The following ADAMTS8 variants were observed in gnomAD, a reference collection of about 807,000 sequenced individuals.
The protein encoded by ADAMTS8 is A disintegrin and metalloproteinase with thrombospondin motifs 8.
A neutral mutation model predicts 64.4 loss-of-function variants in ADAMTS8; 50 were observed. That is an observed-to-expected ratio of 0.78 (90% CI 0.62 to 0.98). The LOEUF is 0.98. Ranked by LOEUF, ADAMTS8 falls within the 50% of genes least tolerant of loss-of-function variation. The pLI, the probability that ADAMTS8 is intolerant of heterozygous loss-of-function variation, is 0.00. For synonymous variants in ADAMTS8, 556 were observed against 533.6 expected (o/e 1.04, Z -0.58); for missense variants, 1,192 against 1,208.2 (o/e 0.99, Z 0.20).
intron 8 of ADAMTS8, 63 bp from the exon 9 acceptor site, chr11:130,406,191 C>T: frequency 6.5e-7 from 1 of 1,534,126 alleles, no homozygotes; most frequent in Non-Finnish European, 8.8e-7. Flanking sequence ...CACGATGATG[C>T]CTTGGAGACT....
Position 130,427,577 on chromosome 11 carries a change from GC to G in ADAMTS8, c.709del (p.Ala237ProfsTer8). The G allele has an allele frequency of 6.5e-7, 1 of 1,538,520 alleles. No homozygotes were observed. Among genetic ancestry groups the G allele is most frequent in the East Asian group, 2.5e-5 (1 of 40,802 alleles). On this transcript the variant is annotated frameshift_variant, in exon 1 of 9. Transcript: ENST00000257359. LOFTEE classifies it high-confidence loss of function. ...ADASMAAFYG[A>X]DLQNHILTLM... ...GGCTCTCAGTCCTACCTGCAGGTCG[GC>G]CCCGTAGAAGGCAGCCATGGACGCA...
chr11:130,412,506 G>A (rs1414283451), intron 5 of ADAMTS8, among the ~76,000 whole-genome samples: 1 of 152,100 alleles, frequency 6.6e-6, no homozygotes, highest in Admixed American at 6.5e-5. Context: ...GAGCCACCAT[G>A]CCTGGCCCTG....
rs1189432999 is a variant in ADAMTS8 at position 130,428,418 on chromosome 11, G to A, written c.-132C>T. The A allele has an allele frequency of 6.5e-6, 7 of 1,085,110 alleles. No homozygotes were observed. The East Asian group carries it at 3.1e-4, about 47-fold the overall frequency. The allele number at this position is 1,085,110 out of a possible 1,614,324, so 67.2% of individuals were successfully genotyped here. On this transcript the variant is annotated 5_prime_UTR_variant, in exon 1 of 9. Transcript: ENST00000257359. ...AATCAATCGGGTGCAAGGCCGACTC[G>A]GCCCGCGGGGCCCGGCGGCGGGAGC...
intron 5 of ADAMTS8, 133 bp downstream of exon 5, chr11:130,414,398 G>A: frequency 8.7e-7 from 1 of 1,153,090 alleles, no homozygotes; most frequent in Non-Finnish European, 1.2e-6. Flanking sequence ...TCCAGTGTGA[G>A]CCGCTCTGCC....
rs1862194618 is a variant in ADAMTS8, at chr11:130,427,861, G to C, written c.426C>G (p.Gly142=). 4 of 1,535,800 alleles carry C rather than the reference G, an allele frequency of 2.6e-6. No individual in the cohort carries two copies. The highest frequency in any genetic ancestry group is 2.0e-5 in the Admixed American group (1 of 51,036). ...EFTIQPQGAG[G]SLAQPHRLQR... is the part of the protein sequence containing the mutation. The stretch of plus-strand genomic sequence containing the variant: ...GCAGGCGGTGCGGCTGAGCCAGGGA[G>C]CCCCCCGCGCCCTGCGGCTGGATGG... Residue 142 remains glycine (G), a synonymous_variant, in exon 1 of 9, where the codon GGC becomes GGG. Coordinates refer to ENST00000257359, the MANE Select transcript of ADAMTS8 (RefSeq NM_007037.6).
In ADAMTS8 at chr11:130,414,697, G is replaced by C. The variant is rs1447246540; in HGVS notation, c.1400C>G (p.Ser467Cys). 3.1e-6 allele frequency: 5 copies of C among 1,613,762 alleles called. No homozygotes were observed. Among genetic ancestry groups the C allele is most frequent in the Non-Finnish European group, 4.2e-6 (5 of 1,180,054 alleles). ...GPDFRHCPNT[S>C]AQDVCAQLWC... Reference sequence around the variant, plus strand: ...AAGCTGGGCGCAGACGTCCTGAGCAGAGGTGTTGGGGCAGTGGCGGAAATC... The same window carrying C: ...AAGCTGGGCGCAGACGTCCTGAGCACAGGTGTTGGGGCAGTGGCGGAAATC... Residue 467 changes from serine (S) to cysteine (C), a missense_variant, in exon 5 of 9, where the codon TCT becomes TGT. This residue lies in a region of ADAMTS8 where 741 missense variants were observed against 710.6 expected (regional missense o/e 1.04). Transcript: ENST00000257359.
At chr11:130,414,508 T>C (rs762935437) in intron 5 of ADAMTS8, 23 bp downstream of exon 5, 2 of 1,559,244 alleles carry the variant, frequency 1.3e-6, no homozygotes, top group East Asian at 2.3e-5. Context: ...CCCTCCCCGC[T>C]ATCCTCAGGG....
chr11:130,416,461 GCTTTC>G lies in ADAMTS8; in HGVS notation c.1097-136_1097-132del. 9.8e-7 allele frequency: 1 copy of G among 1,021,902 alleles called. No homozygotes were observed. The highest frequency in any genetic ancestry group is 1.4e-6 in the Non-Finnish European group (1 of 725,886). 63.3% of individuals were successfully genotyped at this position (1,021,902 alleles called of 1,614,324 possible). ...CACTCTCCGAAGATTTCTGCGTAGG[GCTTTC>G]CCCTGCGCTTTGCTCTTCCAGGACG... On this transcript the variant is annotated intron_variant, in intron 3 of 8. Coordinates refer to ENST00000257359, the MANE Select transcript of ADAMTS8 (RefSeq NM_007037.6). The surrounding 1 kb of genome is among the most constrained non-coding windows in gnomAD (Gnocchi z 4.8).
At chr11:130,412,768 A>G (rs1034468021) in intron 5 of ADAMTS8, among the ~76,000 whole-genome samples, 6 of 152,234 alleles carry the variant, frequency 3.9e-5, no homozygotes, top group African/African-American at 1.4e-4. Flanking sequence ...CTCTGAATAT[A>G]TCATCATAAA....
chr11:130,427,900 G>A lies in ADAMTS8; in HGVS notation c.387C>T (p.Asp129=). The A allele has an allele frequency of 6.5e-7, 1 of 1,534,300 alleles. No homozygotes were observed. Among genetic ancestry groups the A allele is most frequent in the Non-Finnish European group, 8.7e-7 (1 of 1,146,242 alleles). ...CRGLSGSFLL[D]GEEFTIQPQG... is the part of the protein sequence containing the mutation. ...GCGGCTGGATGGTGAACTCCTCGCCGTCCAGCAGGAAGGAGCCGCTCAGCC... is the reference window on the plus strand; with the variant it reads ...GCGGCTGGATGGTGAACTCCTCGCCATCCAGCAGGAAGGAGCCGCTCAGCC... The change falls in exon 1 of 9, where the codon GAC becomes GAT. Residue 129 remains aspartate (D), a synonymous_variant. Transcript: ENST00000257359.
chr11:130,423,272 C>A (rs1171062989), intron 1 of ADAMTS8, among the ~76,000 whole-genome samples: 2 of 152,184 alleles, frequency 1.3e-5, no homozygotes, highest in Non-Finnish European at 2.9e-5. Flanking sequence ...GGGAAATACT[C>A]CATATCTTTG....
chr11:130,408,805 G>C lies in ADAMTS8; in HGVS notation c.1886C>G (p.Ala629Gly). The part of the protein sequence containing the change: ...PRDRCKLFCR[A>G]RGRSEFKVFE... ...CACTTTGAACTCGCTCCTCCCCCGGGCTCGGCAGAACAACTTGCAGCGGTC... is the reference window on the plus strand; with the variant it reads ...CACTTTGAACTCGCTCCTCCCCCGGCCTCGGCAGAACAACTTGCAGCGGTC... Residue 629 changes from alanine (A) to glycine (G), a missense_variant, in exon 7 of 9, where the codon GCC becomes GGC. By Grantham distance (60) the Ala-to-Gly change is moderately conservative. This residue lies in a region of ADAMTS8 where 290 missense variants were observed against 297.8 expected (regional missense o/e 0.97). Coordinates refer to ENST00000257359, the MANE Select transcript of ADAMTS8 (RefSeq NM_007037.6). 1 of 1,614,128 alleles carries C rather than the reference G, an allele frequency of 6.2e-7. No homozygotes were observed. The highest frequency in any genetic ancestry group is 1.1e-5 in the South Asian group (1 of 91,062).
chr11:130,408,048 A>C (rs1489201592), intron 8 of ADAMTS8, among the ~76,000 whole-genome samples: 1 of 152,142 alleles, frequency 6.6e-6, no homozygotes, highest in Non-Finnish European at 1.5e-5. Flanking sequence ...CCATCTGCAG[A>C]AAGGACAGGG....
intron 2 of ADAMTS8, among the ~76,000 whole-genome samples, chr11:130,417,542 C>T (rs933784937): frequency 2.0e-5 from 3 of 152,062 alleles, no homozygotes; most frequent in Non-Finnish European, 4.4e-5. Flanking sequence ...CAGCCGTGAG[C>T]CACCGTGCCC....
At position 130,411,491 on chromosome 11, in the gene ADAMTS8, T is replaced by C. The variant is rs763625126; in HGVS notation, c.1676A>G (p.Gln559Arg). Residue 559 changes from glutamine to arginine, a missense_variant, in exon 6 of 9, where the codon CAG (glutamine) becomes CGG (arginine). By Grantham distance (43) the Gln-to-Arg change is conservative. Around this residue, in one of 5 missense-constraint regions of ADAMTS8, gnomAD observed 290 missense variants for 297.8 expected, o/e 0.97. Coordinates refer to ENST00000257359, the MANE Select transcript of ADAMTS8 (RefSeq NM_007037.6). The surrounding 1 kb of genome is among the most constrained non-coding windows in gnomAD (Gnocchi z 4.2). ...SHRECKDPEP[Q>R]NGGRYCLGRR... ...ACCCAGGCAGTATCTTCCTCCATTC[T>C]GAGGCTCGGGGTCCTTGCACTCACG... The C allele has an allele frequency of 3.7e-6, 6 of 1,614,230 alleles. No individual in the cohort carries two copies. In the East Asian group the frequency reaches 1.1e-4, roughly 30 times the overall value.
At chr11:130,408,693 TG>T (rs2134673830) in intron 7 of ADAMTS8, 54 bp from the exon 8 acceptor site, 2 of 1,611,600 alleles carry the variant, frequency 1.2e-6, no homozygotes, top group African/African-American at 2.7e-5. Context: ...AGAAGCAGCC[TG>T]CCGGGGGGCG....
At position 130,427,896 on chromosome 11, in the gene ADAMTS8, C is replaced by T. The variant is rs754983120; in HGVS notation, c.391G>A (p.Glu131Lys). Reference sequence around the variant, plus strand: ...CCCTGCGGCTGGATGGTGAACTCCTCGCCGTCCAGCAGGAAGGAGCCGCTC... The same window carrying T: ...CCCTGCGGCTGGATGGTGAACTCCTTGCCGTCCAGCAGGAAGGAGCCGCTC... ...GLSGSFLLDGEEFTIQPQGAG... is the reference protein window; with the variant it reads ...GLSGSFLLDGKEFTIQPQGAG... The change falls in exon 1 of 9, where the codon GAG becomes AAG. Residue 131 changes from glutamate (E) to lysine (K), a missense_variant. Physicochemically the swap from Glu to Lys is moderately conservative, Grantham distance 56. Around this residue, in one of 5 missense-constraint regions of ADAMTS8, gnomAD observed 741 missense variants for 710.6 expected, o/e 1.04. Transcript: ENST00000257359. 1.3e-6 allele frequency: 2 copies of T among 1,534,208 alleles called. No individual in the cohort carries two copies. The highest frequency in any genetic ancestry group is 1.7e-6 in the Non-Finnish European group (2 of 1,146,134).
intron 4 of ADAMTS8, among the ~76,000 whole-genome samples, chr11:130,415,807 C>G (rs370540044): frequency 1.1e-4 from 17 of 152,190 alleles, no homozygotes; most frequent in South Asian, 6.2e-4. Flanking sequence ...CCCTCTTGCT[C>G]TCACAGGACG....
intron 5 of ADAMTS8, among the ~76,000 whole-genome samples, chr11:130,414,122 CTTTTTTTT>C (rs143297278): frequency 1.5e-5 from 2 of 129,782 alleles, no homozygotes; most frequent in Non-Finnish European, 3.3e-5. Flanking sequence ...AGTTTCTTTT[CTTTTTTTT>C]TTTTTTTTTT....
Sources: gnomAD v4.1 joint callset for allele counts (sites outside exome capture counted in the v4.1 genomes callset) on GRCh38, gnomAD v4.1.1 for gene constraint, gnomAD v4.1.1 regional missense constraint, Gnocchi (gnomAD v3.1) non-coding constraint, MANE v1.5 for transcripts, NCBI Gene and HGNC (gene_info 2026-07-23, HGNC 2026-07-21) for gene names.